PCYOX1L: variants seen among roughly 807,000 people sequenced by gnomAD.
The protein encoded by PCYOX1L is prenylcysteine oxidase 1 like.
In PCYOX1L, 40 loss-of-function variants were observed where a neutral mutation model predicts 44.1. That is an observed-to-expected ratio of 0.91 (90% CI 0.70 to 1.18). PCYOX1L has a LOEUF of 1.18. Among genes scored for constraint, PCYOX1L ranks in the 50% most tolerant of loss-of-function variants. PCYOX1L has a pLI of 0.00. For synonymous variants in PCYOX1L, 266 were observed against 282.8 expected (o/e 0.94, Z 0.60); for missense variants, 605 against 653.3 (o/e 0.93, Z 0.81).
intron 3 of PCYOX1L, 189 bp downstream of exon 3, chr5:149,364,399 C>A: frequency 3.2e-6 from 2 of 617,060 alleles, no homozygotes; most frequent in Non-Finnish European, 2.8e-6. Context: ...AATGGTCTCC[C>A]TAGTATTGTC....
At chr5:149,361,685 A>G (rs940207843) in intron 1 of PCYOX1L, among the ~76,000 whole-genome samples, 11 of 152,078 alleles carry the variant, frequency 7.2e-5, no homozygotes, top group African/African-American at 2.4e-5. Context: ...CTGGAGTGCA[A>G]TGGCACGATC....
chr5:149,367,304 C>T, intron 4 of PCYOX1L, 56 bp from the exon 5 acceptor site: 1 of 1,564,692 alleles, frequency 6.4e-7, no homozygotes, highest in East Asian at 2.3e-5. Context: ...GACTCCCCAG[C>T]CCTCCTGCCC....
intron 1 of PCYOX1L, 154 bp downstream of exon 1, chr5:149,358,310 G>T (rs1473173467): frequency 1.7e-6 from 2 of 1,191,284 alleles, no homozygotes; most frequent in Non-Finnish European, 1.1e-6. Context: ...AAGGGGACGC[G>T]GCAGGGAAGG....
intron 1 of PCYOX1L, 46 bp downstream of exon 1, chr5:149,358,202 G>A (rs954948606): frequency 7.2e-6 from 10 of 1,397,650 alleles, no homozygotes; most frequent in Non-Finnish European, 8.4e-6. Context: ...AGGGCCGGCG[G>A]GTAAAGGGTT....
In PCYOX1L at chr5:149,364,072, C is replaced by T. The variant is rs768462419; in HGVS notation, c.332C>T (p.Ala111Val). ...CGGCGCGAGGTGGTGGGCAGGAGCG[C>T]CATCTTCGGCGGGGAGCACTTCATG... The part of the protein sequence containing the change: ...RHRREVVGRS[A>V]IFGGEHFMLE... The change falls in exon 3 of 6, where the codon GCC (alanine) becomes GTC (valine). Residue 111 changes from alanine to valine, a missense_variant. Physicochemically the swap from Ala to Val is moderately conservative, Grantham distance 64 (BLOSUM62 0). Coordinates refer to ENST00000274569, the MANE Select transcript of PCYOX1L (RefSeq NM_024028.4). 1.2e-6 allele frequency: 2 copies of T among 1,614,094 alleles called. No individual in the cohort carries two copies. The highest frequency in any genetic ancestry group is 1.7e-6 in the Non-Finnish European group (2 of 1,179,982).
Position 149,366,168 on chromosome 5 carries a change from C to G in PCYOX1L, c.682+15C>G. The G allele has an allele frequency of 6.2e-7, 1 of 1,605,818 alleles. No individual in the cohort carries two copies. Among genetic ancestry groups the G allele is most frequent in the Non-Finnish European group, 8.5e-7 (1 of 1,178,750 alleles). ...CGCCTTTGCAGGTAAGCGTCCAACC[C>G]TTGGCCTGCCCACCTGCCCCTCCTC... On this transcript the variant is annotated intron_variant, in intron 4 of 5. Transcript: ENST00000274569.
chr5:149,365,665 G>A (rs1475591486), intron 3 of PCYOX1L: 3 of 496,650 alleles, frequency 6.0e-6, no homozygotes, highest in African/African-American at 5.8e-5. Context: ...CCTCAGGCAG[G>A]GAGTGGCTCA....
intron 2 of PCYOX1L, chr5:149,363,811 C>A: frequency 1.8e-6 from 1 of 552,766 alleles, no homozygotes; most frequent in Non-Finnish European, 3.1e-6. Context: ...CTTGTGGATC[C>A]TCCTGGGGAA....
Position 149,368,831 on chromosome 5 carries a change from G to T in PCYOX1L, c.*177G>T. 1 of 468,838 alleles carries T rather than the reference G, an allele frequency of 2.1e-6. No individual in the cohort carries two copies. Among genetic ancestry groups the T allele is most frequent in the Non-Finnish European group, 3.5e-6 (1 of 287,138 alleles). 29.0% of individuals were successfully genotyped at this position (468,838 alleles called of 1,614,324 possible). On this transcript the variant is annotated 3_prime_UTR_variant, in exon 6 of 6. Transcript: ENST00000274569. ...ATTAAGGGTCCACACGGCGGCTGCT[G>T]CTTTTTTTTAAGGGGGAAAGTAAGA...
intron 1 of PCYOX1L, among the ~76,000 whole-genome samples, chr5:149,359,079 C>T (rs909373975): frequency 1.3e-5 from 2 of 151,972 alleles, no homozygotes; most frequent in African/African-American, 2.4e-5. Context: ...TTTCCTCCCT[C>T]AACAACTGTC....
intron 4 of PCYOX1L, 145 bp from the exon 5 acceptor site, chr5:149,367,215 A>T: frequency 1.1e-6 from 1 of 952,136 alleles, no homozygotes; most frequent in Non-Finnish European, 1.5e-6. Context: ...TGTTGTACTT[A>T]CTTGTATGTT....
intron 5 of PCYOX1L, 105 bp downstream of exon 5, chr5:149,367,605 G>A: frequency 6.8e-7 from 1 of 1,470,718 alleles, no homozygotes; most frequent in South Asian, 1.3e-5. Context: ...CCCCTGGGGA[G>A]TATTTCCGAA....
intron 1 of PCYOX1L, 47 bp downstream of exon 1, chr5:149,358,203 G>A: frequency 7.2e-7 from 1 of 1,397,292 alleles, no homozygotes; most frequent in Non-Finnish European, 9.3e-7. Context: ...GGGCCGGCGG[G>A]TAAAGGGTTC....
In PCYOX1L at chr5:149,367,982, TTTC is replaced by T. The variant is rs1758276879; in HGVS notation, c.824-8_824-6del. 1 of 1,521,422 alleles carries T rather than the reference TTTC, an allele frequency of 6.6e-7. No homozygotes were observed. Among genetic ancestry groups the T allele is most frequent in the Non-Finnish European group, 8.8e-7 (1 of 1,136,914 alleles). The allele number at this position is 1,521,422 out of a possible 1,614,324, so 94.2% of individuals were successfully genotyped here. On this transcript the variant is annotated splice_polypyrimidine_tract_variant and splice_region_variant and intron_variant, in intron 5 of 5. Transcript: ENST00000274569. Reference sequence around the variant, plus strand: ...AAGGGAAAGTTGACTTTTGTGCTCTTTTCTTTCCAGAGGGGAAAGCCCTGTACC... The same window carrying T: ...AAGGGAAAGTTGACTTTTGTGCTCTTTTTCCAGAGGGGAAAGCCCTGTACC...
chr5:149,361,898 T>TGATTACAGGCGTGAGCCACCGC, intron 1 of PCYOX1L, among the ~76,000 whole-genome samples: 1 of 152,230 alleles, frequency 6.6e-6, no homozygotes, highest in African/African-American at 2.4e-5. Flanking sequence ...CAAAGTGTTG[T>TGATTACAGGCGTGAGCCACCGC]GATTACAGGC....
intron 4 of PCYOX1L, among the ~76,000 whole-genome samples, chr5:149,366,546 G>A (rs778445998): frequency 1.3e-5 from 2 of 152,192 alleles, no homozygotes; most frequent in South Asian, 2.1e-4. Flanking sequence ...GGAGTGGCTG[G>A]GCCTGTGTGT....
rs778081460 is a variant in PCYOX1L at position 149,368,560 on chromosome 5, A to G, written c.1391A>G (p.Lys464Arg). ...GTGGAGGTGATGGCCGTGGCTGCCA[A>G]GAATGTGGCCTTGCTGGCTTACAAC... ...SSVEVMAVAA[K>R]NVALLAYNRW... The change falls in exon 6 of 6, where the codon AAG (lysine) becomes AGG (arginine). Residue 464 changes from lysine to arginine, a missense_variant. Lys to Arg is a conservative substitution (Grantham distance 26). Transcript: ENST00000274569. 2.2e-5 allele frequency: 35 copies of G among 1,596,104 alleles called. No homozygotes were observed. Among genetic ancestry groups the G allele is most frequent in the Non-Finnish European group, 3.0e-5 (35 of 1,173,080 alleles).
intron 5 of PCYOX1L, 112 bp from the exon 6 acceptor site, chr5:149,367,881 C>T: frequency 8.3e-7 from 1 of 1,198,096 alleles, no homozygotes; most frequent in South Asian, 1.5e-5. Context: ...TTAGACAGCC[C>T]TGCTGCACCC....
intron 5 of PCYOX1L, 46 bp downstream of exon 5, chr5:149,367,546 G>A (rs756081505): frequency 6.2e-7 from 1 of 1,603,582 alleles, no homozygotes; most frequent in Non-Finnish European, 8.5e-7. Context: ...TTCCCAGCCA[G>A]TGGACAGACA....
Sources: gnomAD v4.1 joint callset for allele counts (sites outside exome capture counted in the v4.1 genomes callset) on GRCh38, gnomAD v4.1.1 for gene constraint, MANE v1.5 for transcripts, NCBI Gene and HGNC (gene_info 2026-07-23, HGNC 2026-07-21) for gene names.